The following KCNIP4 variants were observed in gnomAD, a reference collection of about 807,000 sequenced individuals.
KCNIP4 encodes potassium voltage-gated channel interacting protein 4, also known as Kv channel-interacting protein 4.
In KCNIP4, 12 loss-of-function variants were observed where a neutral mutation model predicts 34.0. The ratio of observed to expected loss-of-function variants is 0.35; its 90% CI spans 0.23 to 0.57. The LOEUF (loss-of-function observed/expected upper bound fraction) is 0.57, where lower values mean the gene tolerates loss of function less well. KCNIP4 is among the 20% of genes least tolerant of loss of function. The pLI is 0.83. For missense variants in KCNIP4, 238 were observed against 311.7 expected (o/e 0.76, Z 1.78); for synonymous variants, 124 against 102.2 (o/e 1.21, Z -1.29).
chr4:21,236,436 A>G (rs1408921241), intron 1 of KCNIP4, among the ~76,000 whole-genome samples: 8 of 152,160 alleles, frequency 5.3e-5, no homozygotes. Context: ...TATTACAACC[A>G]TTCAAATGAA....
chr4:21,291,843 G>C (rs533915057), intron 1 of KCNIP4, among the ~76,000 whole-genome samples: 1 of 108,026 alleles, frequency 9.3e-6, no homozygotes, highest in Non-Finnish European at 1.7e-5. Context: ...GACAGAGTTA[G>C]ACTCCGCCTC....
chr4:21,925,681 G>C (rs1247669570), intron 1 of KCNIP4, among the ~76,000 whole-genome samples: 4 of 152,066 alleles, frequency 2.6e-5, no homozygotes, highest in Non-Finnish European at 5.9e-5. Context: ...AAGGTCTCTA[G>C]GAAAGTTTAG....
intron 1 of KCNIP4, among the ~76,000 whole-genome samples, chr4:21,098,831 A>C (rs1323035351): frequency 6.6e-6 from 1 of 152,240 alleles, no homozygotes; most frequent in Non-Finnish European, 1.5e-5. Context: ...ACTTCTCAAA[A>C]GAAGACATTT....
chr4:21,275,281 C>T (rs564278812), intron 1 of KCNIP4, among the ~76,000 whole-genome samples: 2 of 152,282 alleles, frequency 1.3e-5, no homozygotes, highest in South Asian at 4.1e-4. Context: ...TGGAGTGCTC[C>T]TTTATACCAT....
chr4:21,235,333 C>T (rs562034275), intron 1 of KCNIP4, among the ~76,000 whole-genome samples: 1 of 152,288 alleles, frequency 6.6e-6, no homozygotes, highest in South Asian at 2.1e-4. Flanking sequence ...GAACTGGCTC[C>T]TGGCTCTCTC....
intron 1 of KCNIP4, among the ~76,000 whole-genome samples, chr4:21,391,722 C>G (rs867183475): frequency 1.7e-4 from 26 of 152,178 alleles, no homozygotes; most frequent in Admixed American, 6.5e-4. Context: ...TGGAAAAATT[C>G]TACTGATTCT....
chr4:20,759,495 T>G (rs1560443955), intron 3 of KCNIP4, among the ~76,000 whole-genome samples: 1 of 152,170 alleles, frequency 6.6e-6, no homozygotes, highest in Non-Finnish European at 1.5e-5. Flanking sequence ...TGGCCTGGGC[T>G]TAATAGATCC....
Position 21,757,148 on chromosome 4 carries a change from AAAG to A in KCNIP4, c.61+191420_61+191422del, listed in dbSNP as rs1245760171. Reference sequence around the variant, plus strand: ...GAAAGAAAGAAAGAAAGAAAGAAAGAAAGAAAGAAAGAAAGAAAGAAGGAAGGA... The same window carrying A: ...GAAAGAAAGAAAGAAAGAAAGAAAGAAAAGAAAGAAAGAAAGAAGGAAGGA... On this transcript the variant is annotated intron_variant, in intron 1 of 8. Coordinates refer to ENST00000382152, the MANE Select transcript of KCNIP4 (RefSeq NM_025221.6). Among the ~76,000 whole-genome samples, 53 of 26,048 alleles carry A rather than the reference AAAG, an allele frequency of 2.0e-3. 1 individual carries two copies. Among genetic ancestry groups the A allele is most frequent in the Non-Finnish European group, 3.0e-3 (41 of 13,544 alleles). 17.1% of individuals were successfully genotyped at this position (26,048 alleles called of 152,430 possible).
At chr4:21,559,863 C>T (rs1173407873) in intron 1 of KCNIP4, among the ~76,000 whole-genome samples, 1 of 152,114 alleles carries the variant, frequency 6.6e-6, no homozygotes, top group African/African-American at 2.4e-5. Context: ...CTCCCATTCT[C>T]TCACATGAAT....
chr4:21,392,890 C>T (rs1353560487), intron 1 of KCNIP4, among the ~76,000 whole-genome samples: 1 of 152,204 alleles, frequency 6.6e-6, no homozygotes, highest in Non-Finnish European at 1.5e-5. Flanking sequence ...TATTCTATCT[C>T]ATATCTCCCT....
At position 20,751,304 on chromosome 4, in the gene KCNIP4, T is replaced by C. The variant is rs181028413; in HGVS notation, c.359-1572A>G. Among the ~76,000 whole-genome samples the C allele has an allele frequency of 2.9e-3, 443 of 152,328 alleles. 5 individuals carry two copies. The highest frequency in any genetic ancestry group is 0.01 in the African/African-American group (419 of 41,580). On this transcript the variant is annotated intron_variant, in intron 4 of 8. Transcript: ENST00000382152. ...ATCTAGAGTGGATATCCATCCAGTA[T>C]TGATACATTGCAGGAAGAAATTCTT...
intron 1 of KCNIP4, among the ~76,000 whole-genome samples, chr4:21,317,331 A>T (rs746602879): frequency 2.6e-5 from 4 of 152,160 alleles, no homozygotes; most frequent in South Asian, 2.1e-4. Flanking sequence ...ATTAACTAAT[A>T]TGAAGTTGTA....
intron 1 of KCNIP4, among the ~76,000 whole-genome samples, chr4:21,448,927 G>A (rs567581591): frequency 1.3e-5 from 2 of 152,290 alleles, no homozygotes; most frequent in African/African-American, 2.4e-5. Flanking sequence ...GGACTGAAAC[G>A]GAGAGAGACA....
intron 2 of KCNIP4, among the ~76,000 whole-genome samples, chr4:20,880,461 A>T (rs780075997): frequency 3.3e-5 from 5 of 152,052 alleles, no homozygotes; most frequent in Middle Eastern, 3.2e-3. Flanking sequence ...GATTCTGATC[A>T]TTTTTTTAGT....
At chr4:21,671,842 C>A (rs568186900) in intron 1 of KCNIP4, among the ~76,000 whole-genome samples, 1 of 152,010 alleles carries the variant, frequency 6.6e-6, no homozygotes, top group Admixed American at 6.6e-5. Context: ...AAGTTAGATA[C>A]CCAAAAAATT....
intron 1 of KCNIP4, among the ~76,000 whole-genome samples, chr4:21,902,063 A>G (rs989769242): frequency 5.3e-5 from 8 of 152,162 alleles, no homozygotes; most frequent in African/African-American, 1.9e-4. Context: ...ATTACTTTCA[A>G]CTTTTGAAAT....
At chr4:21,798,512 G>GAAAAA (rs3052679) in intron 1 of KCNIP4, among the ~76,000 whole-genome samples, 20 of 102,556 alleles carry the variant, frequency 2.0e-4, no homozygotes, top group African/African-American at 3.8e-4. Flanking sequence ...AAGACCCTGG[G>GAAAAA]AAAAAAAAAA....
chr4:20,896,208 C>T (rs964788992), intron 1 of KCNIP4, among the ~76,000 whole-genome samples: 4 of 152,098 alleles, frequency 2.6e-5, no homozygotes, highest in East Asian at 1.9e-4. Flanking sequence ...TCACACCCAA[C>T]GCTAAGAGAC....
intron 1 of KCNIP4, chr4:21,762,856 G>A (rs1042823287): frequency 3.8e-6 from 4 of 1,042,212 alleles, no homozygotes; most frequent in Non-Finnish European, 3.8e-6. Flanking sequence ...TGTGAGAAAG[G>A]AAAGGAGAAT....
Sources: gnomAD v4.1 joint callset for allele counts (sites outside exome capture counted in the v4.1 genomes callset) on GRCh38, gnomAD v4.1.1 for gene constraint, MANE v1.5 for transcripts, NCBI Gene and HGNC (gene_info 2026-07-23, HGNC 2026-07-21) for gene names.